The following GNAS variants were observed in gnomAD, a reference collection of about 807,000 sequenced individuals.
GNAS encodes the protein protein ALEX.
GNAS carries 8 observed loss-of-function variants against 54.5 expected under a neutral mutation model. That is an observed-to-expected ratio of 0.15 (90% CI 0.09 to 0.26). The LOEUF (loss-of-function observed/expected upper bound fraction) is 0.26. Among genes scored for constraint, GNAS ranks in the 10% least tolerant of loss-of-function variants. The pLI, the probability that GNAS is intolerant of heterozygous loss-of-function variation, is 1.00. For synonymous variants in GNAS, 204 were observed against 191.4 expected, an observed-to-expected ratio of 1.07 and a Z score of -0.54; for missense variants, 170 against 529.8, an observed-to-expected ratio of 0.32 and a Z score of 6.67.
chr20:58,841,616 G>C lies in GNAS; in HGVS notation c.43+730G>C. The C allele has an allele frequency of 9.5e-7, 1 of 1,049,520 alleles. No homozygotes were observed. The highest frequency in any genetic ancestry group is 4.6e-5 in the South Asian group (1 of 21,860). The allele number at this position is 1,049,520 out of a possible 1,614,324, so 65.0% of individuals were successfully genotyped here. ...CCTCAAAGAGCGTGCGCACCTGCCC[G>C]CGCGCGCCGGAGCTGACCTCTCCCG... On this transcript the variant is annotated intron_variant, in intron 1 of 12. Transcript: ENST00000306090. The surrounding 1 kb of genome is among the most constrained non-coding windows in gnomAD (Gnocchi z 5.0).
At chr20:58,905,544 C>A in intron 6 of GNAS, 64 bp downstream of exon 6, 1 of 906,810 alleles carries the variant, frequency 1.1e-6, no homozygotes, top group South Asian at 1.3e-5. Flanking sequence ...ACATGAAAAC[C>A]TGTGATCCTG....
chr20:58,908,275 T>C (rs532895273), intron 6 of GNAS, among the ~76,000 whole-genome samples: 1 of 152,296 alleles, frequency 6.6e-6, no homozygotes, highest in East Asian at 1.9e-4. Context: ...CCCCAATCTT[T>C]CAAAAGTAAA....
upstream of GNAS, among the ~76,000 whole-genome samples, chr20:58,888,052 G>T (rs759016532): frequency 2.0e-5 from 3 of 152,140 alleles, no homozygotes; most frequent in Admixed American, 2.0e-4. Flanking sequence ...GGTATCAGCC[G>T]CCCCATACCC....
intron 5 of GNAS, among the ~76,000 whole-genome samples, chr20:58,904,046 C>G (rs1046797018): frequency 1.3e-5 from 2 of 152,218 alleles, no homozygotes; most frequent in Non-Finnish European, 2.9e-5. Flanking sequence ...TCTTAGCTCA[C>G]CTGTCCTCAC....
chr20:58,896,288 AAAAAC>A lies in GNAS; in HGVS notation c.212+608_212+612del, dbSNP rs1298807840. ...TAAATCATTGTTTCCCTTTAAAACA[AAAAAC>A]AAATCAGTACCCCTGCCTACAGAAA... On this transcript the variant is annotated intron_variant, in intron 2 of 12. Transcript: ENST00000371085. 3.3e-5 allele frequency among the ~76,000 whole-genome samples: 5 copies of A among 152,336 alleles called. No individual in the cohort carries two copies. The South Asian group carries it at 6.2e-4, about 19-fold the overall frequency.
chr20:58,889,232 G>GCGGCA, upstream of GNAS: 5 of 1,188,914 alleles, frequency 4.2e-6, no homozygotes, highest in South Asian at 4.3e-5. Flanking sequence ...CCGGCGCGGC[G>GCGGCA]CTCCCCTGCT....
upstream of GNAS, chr20:58,840,257 C>G (rs775901436): frequency 1.2e-6 from 2 of 1,611,628 alleles, no homozygotes; most frequent in Non-Finnish European, 1.7e-6. The surrounding 1 kb of genome is among the most constrained non-coding windows in gnomAD (Gnocchi z 6.0). Flanking sequence ...CTCCAACGCC[C>G]GTGCCCAGCA....
intron 1 of GNAS, among the ~76,000 whole-genome samples, chr20:58,867,782 C>T (rs1443675062): frequency 2.0e-5 from 3 of 152,114 alleles, no homozygotes; most frequent in Admixed American, 1.3e-4. Context: ...GTCAGGAGAG[C>T]ACCTTAAATT....
chr20:58,899,557 G>T (rs1311484203), intron 3 of GNAS: 2 of 535,764 alleles, frequency 3.7e-6, no homozygotes, highest in Non-Finnish European at 7.0e-6. Context: ...CTTTACGTTA[G>T]CTTGGTGGAT....
chr20:58,875,430 G>A (rs781360137), intron 1 of GNAS, among the ~76,000 whole-genome samples: 1 of 152,220 alleles, frequency 6.6e-6, no homozygotes, highest in East Asian at 1.9e-4. Context: ...ATTTTTAATA[G>A]TGGGGTTCCT....
intron 6 of GNAS, chr20:58,908,916 A>G (rs908021911): frequency 3.3e-6 from 2 of 597,348 alleles, no homozygotes; most frequent in Non-Finnish European, 6.1e-6. Context: ...GCTAGCTGCT[A>G]GACGCATCTA....
chr20:58,844,693 C>T (rs1263594295), intron 1 of GNAS, among the ~76,000 whole-genome samples: 1 of 152,010 alleles, frequency 6.6e-6, no homozygotes, highest in Non-Finnish European at 1.5e-5. Context: ...TGATTTAACC[C>T]TAATGGAACT....
intron 6 of GNAS, chr20:58,908,925 T>C (rs2091255039): frequency 6.4e-6 from 4 of 623,688 alleles, no homozygotes; most frequent in South Asian, 5.1e-5. Flanking sequence ...TAGACGCATC[T>C]AGAGTTCCCT....
chr20:58,849,382 C>T (rs900407744), intron 1 of GNAS, among the ~76,000 whole-genome samples: 3 of 152,200 alleles, frequency 2.0e-5, no homozygotes, highest in Admixed American at 6.5e-5. Context: ...CTGTCCAGTG[C>T]GCCAATTGTT....
chr20:58,871,066 G>A (rs941646179), intron 1 of GNAS, among the ~76,000 whole-genome samples: 1 of 152,118 alleles, frequency 6.6e-6, no homozygotes, highest in African/African-American at 2.4e-5. Flanking sequence ...AGTTTCCTTA[G>A]AGCTCTTCCA....
intron 1 of GNAS, among the ~76,000 whole-genome samples, chr20:58,846,502 T>C (rs941083498): frequency 1.3e-5 from 2 of 152,226 alleles, no homozygotes; most frequent in African/African-American, 2.4e-5. Flanking sequence ...AGTACTTCAA[T>C]TGCTACACTC....
At chr20:58,883,565 G>A (rs915517483) in intron 1 of GNAS, among the ~76,000 whole-genome samples, 1 of 152,158 alleles carries the variant, frequency 6.6e-6, no homozygotes, top group Non-Finnish European at 1.5e-5. Context: ...AACTTCCAGT[G>A]GTCAGCAAGG....
intron 1 of GNAS, among the ~76,000 whole-genome samples, chr20:58,884,231 C>A (rs1039665963): frequency 6.6e-6 from 1 of 152,132 alleles, no homozygotes; most frequent in Non-Finnish European, 1.5e-5. Context: ...ATTTAGCAGT[C>A]GTTTCATTTG....
intron 2 of GNAS, 183 bp from the exon 3 acceptor site, chr20:58,898,758 C>G: frequency 2.9e-6 from 2 of 693,724 alleles, no homozygotes; most frequent in South Asian, 3.1e-5. Context: ...CCTGCAGTCT[C>G]AGTGGATGTT....
Sources: allele counts gnomAD v4.1 joint callset (sites outside exome capture counted in the v4.1 genomes callset), GRCh38; gene constraint gnomAD v4.1.1; non-coding constraint Gnocchi (gnomAD v3.1); transcripts MANE v1.5; gene names NCBI Gene and HGNC (gene_info 2026-07-23, HGNC 2026-07-21).